The following CTNNA3 variants were observed in gnomAD, a reference collection of about 807,000 sequenced individuals.
CTNNA3 encodes catenin alpha 3, also known as catenin alpha-3.
CTNNA3 carries 76 observed loss-of-function variants against 95.7 expected under a neutral mutation model. That is an observed-to-expected ratio of 0.79 (90% CI 0.66 to 0.96). The LOEUF (loss-of-function observed/expected upper bound fraction) is 0.96. Among genes scored for constraint, CTNNA3 ranks in the 40% least tolerant of loss-of-function variants. The pLI, the probability that CTNNA3 is intolerant of heterozygous loss-of-function variation, is 0.00. For missense variants in CTNNA3, 1,191 were observed against 1,089.8 expected, an observed-to-expected ratio of 1.09 and a Z score of -1.31; for synonymous variants, 431 against 374.4, an observed-to-expected ratio of 1.15 and a Z score of -1.74.
intron 9 of CTNNA3, among the ~76,000 whole-genome samples, chr10:66,732,625 G>A (rs749512835): frequency 1.9e-3 from 289 of 152,022 alleles, no homozygotes; most frequent in Non-Finnish European, 3.1e-3. Flanking sequence ...CAGATCTCGT[G>A]AGAATTCAGT....
chr10:67,220,639 G>C (rs188603812), intron 5 of CTNNA3, among the ~76,000 whole-genome samples: 1 of 152,180 alleles, frequency 6.6e-6, no homozygotes, highest in Non-Finnish European at 1.5e-5. Flanking sequence ...TGAATGGTCC[G>C]AGAAGGTATT....
At chr10:67,168,014 G>A (rs1254645701) in intron 7 of CTNNA3, among the ~76,000 whole-genome samples, 1 of 152,088 alleles carries the variant, frequency 6.6e-6, no homozygotes, top group Non-Finnish European at 1.5e-5. Flanking sequence ...GCTCACACCT[G>A]CAATCCCAGC....
At chr10:66,517,624 T>A (rs1469309015) in intron 11 of CTNNA3, among the ~76,000 whole-genome samples, 2 of 152,066 alleles carry the variant, frequency 1.3e-5, no homozygotes, top group East Asian at 3.9e-4. Flanking sequence ...CACCAAGAAA[T>A]AACCATAAAA....
intron 16 of CTNNA3, among the ~76,000 whole-genome samples, chr10:65,969,019 G>T (rs1227795037): frequency 6.6e-6 from 1 of 152,166 alleles, no homozygotes; most frequent in East Asian, 1.9e-4. Flanking sequence ...ATTGCCTGAG[G>T]CAAGAAAGAG....
intron 9 of CTNNA3, among the ~76,000 whole-genome samples, chr10:66,679,412 T>C (rs748659473): frequency 6.6e-5 from 10 of 152,200 alleles, no homozygotes; most frequent in Non-Finnish European, 1.0e-4. Flanking sequence ...CAGATTTAAA[T>C]AAGTTAAATT....
intron 17 of CTNNA3, among the ~76,000 whole-genome samples, chr10:65,930,808 C>T (rs1256090007): frequency 1.3e-5 from 2 of 152,114 alleles, no homozygotes; most frequent in Non-Finnish European, 2.9e-5. Flanking sequence ...TTTACATATT[C>T]TTGATCCTTA....
chr10:66,605,644 G>A (rs1251712167), intron 10 of CTNNA3, among the ~76,000 whole-genome samples: 2 of 152,098 alleles, frequency 1.3e-5, no homozygotes, highest in African/African-American at 4.8e-5. Flanking sequence ...AGAGACTGGG[G>A]GCCAATATTC....
At chr10:67,447,356 A>G (rs962542012) in intron 5 of CTNNA3, among the ~76,000 whole-genome samples, 39 of 152,236 alleles carry the variant, frequency 2.6e-4, no homozygotes, top group Non-Finnish European at 5.0e-4. Flanking sequence ...TAGATTGCCT[A>G]TGATATGCAA....
chr10:65,931,391 T>C (rs1028422764), intron 17 of CTNNA3, among the ~76,000 whole-genome samples: 1 of 152,244 alleles, frequency 6.6e-6, no homozygotes, highest in Admixed American at 6.5e-5. Flanking sequence ...AAACATAGGT[T>C]AAGCAGCAGC....
chr10:67,219,846 C>G lies in CTNNA3; in HGVS notation c.604G>C (p.Asp202His). The G allele has an allele frequency of 6.2e-7, 1 of 1,612,320 alleles. No individual in the cohort carries two copies. The highest frequency in any genetic ancestry group is 1.1e-5 in the South Asian group (1 of 90,802). Residue 202 changes from aspartate (D) to histidine (H), a missense_variant, in exon 6 of 18, where the codon GAT (aspartate) becomes CAT (histidine). Asp to His is a moderately conservative substitution (Grantham distance 81). Coordinates refer to ENST00000433211, the MANE Select transcript of CTNNA3 (RefSeq NM_013266.4). The stretch of plus-strand genomic sequence containing the variant: ...GAAGCTCGGGCTCCTGCAATTTCAT[C>G]TCTCTGATTTGGAGATTTTAAGTCC... ...QQDLKSPNQR[D>H]EIAGARASLK...
chr10:66,541,103 A>G (rs1841836231), intron 10 of CTNNA3, among the ~76,000 whole-genome samples: 1 of 152,142 alleles, frequency 6.6e-6, no homozygotes, highest in Non-Finnish European at 1.5e-5. Flanking sequence ...ATTTGTCTGC[A>G]TCAATTTGGT....
intron 7 of CTNNA3, among the ~76,000 whole-genome samples, chr10:66,872,838 T>C (rs1486443090): frequency 6.6e-6 from 1 of 151,992 alleles, no homozygotes; most frequent in South Asian, 2.1e-4. Flanking sequence ...CAGCCCATAC[T>C]CCCCTCCTTC....
At chr10:67,304,690 C>T (rs10762163) in intron 5 of CTNNA3, among the ~76,000 whole-genome samples, 70,632 of 151,786 alleles carry the variant, frequency 0.47, 20,576 homozygotes, top group African/African-American at 0.84. Context: ...GTATCTGCTA[C>T]GTGTCTGACG....
At chr10:67,086,644 T>A (rs1350424278) in intron 7 of CTNNA3, among the ~76,000 whole-genome samples, 3 of 151,920 alleles carry the variant, frequency 2.0e-5, no homozygotes, top group Non-Finnish European at 4.4e-5. Flanking sequence ...GGAAAGCAAG[T>A]GGGCTATTAG....
intron 13 of CTNNA3, among the ~76,000 whole-genome samples, chr10:66,264,714 A>G (rs551818769): frequency 1.3e-5 from 2 of 152,062 alleles, no homozygotes; most frequent in African/African-American, 2.4e-5. Context: ...CAGCTCTAGT[A>G]TATGGCAACA....
At chr10:66,377,960 T>C (rs143399708) in intron 12 of CTNNA3, among the ~76,000 whole-genome samples, 52 of 152,284 alleles carry the variant, frequency 3.4e-4, no homozygotes, top group African/African-American at 1.2e-3. Flanking sequence ...TACCACATTG[T>C]TAGCATTGCA....
rs34716716 is a variant in CTNNA3, at chr10:67,266,844, G to A, written c.580-46974C>T. Among the ~76,000 whole-genome samples, 1,265 of 152,126 alleles carry A rather than the reference G, an allele frequency of 8.3e-3. 30 individuals are homozygous for A. The highest frequency in any genetic ancestry group is 0.078 in the East Asian group (403 of 5,174). The stretch of plus-strand genomic sequence containing the variant: ...CCACAAGAAAAAAGTTAAATAGTGA[G>A]GTAATGGATATGTTAATTAATTTGA... On this transcript the variant is annotated intron_variant, in intron 5 of 17. Coordinates refer to ENST00000433211, the MANE Select transcript of CTNNA3 (RefSeq NM_013266.4).
At chr10:67,754,011 A>G (rs953697965) in intron 1 of CTNNA3, among the ~76,000 whole-genome samples, 8 of 134,246 alleles carry the variant, frequency 6.0e-5, no homozygotes, top group African/African-American at 2.7e-4. Context: ...AGATACATGC[A>G]CACATATGTT....
chr10:66,354,979 A>G (rs1283305111), intron 12 of CTNNA3, among the ~76,000 whole-genome samples: 1 of 152,120 alleles, frequency 6.6e-6, no homozygotes, highest in Non-Finnish European at 1.5e-5. Flanking sequence ...TACCAGAAAG[A>G]TAGGCTCAGA....
Sources: allele counts gnomAD v4.1 joint callset (sites outside exome capture counted in the v4.1 genomes callset), GRCh38; gene constraint gnomAD v4.1.1; transcripts MANE v1.5; gene names NCBI Gene and HGNC (gene_info 2026-07-23, HGNC 2026-07-21).